GSDME: variants seen among roughly 807,000 people sequenced by gnomAD.
The protein encoded by GSDME is gasdermin-E.
In GSDME, 44 loss-of-function variants were observed where a neutral mutation model predicts 47.5. The ratio of observed to expected loss-of-function variants is 0.93; its 90% CI spans 0.73 to 1.19. GSDME has a LOEUF of 1.19. Among genes scored for constraint, GSDME ranks in the 50% most tolerant of loss-of-function variants. The pLI, the probability that GSDME is intolerant of heterozygous loss-of-function variation, is 0.00. For missense variants in GSDME, 663 were observed against 604.2 expected, an observed-to-expected ratio of 1.10 and a Z score of -1.02; for synonymous variants, 258 against 252.8, an observed-to-expected ratio of 1.02 and a Z score of -0.20.
chr7:24,730,366 A>G (rs1486853626), intron 3 of GSDME, among the ~76,000 whole-genome samples: 2 of 152,214 alleles, frequency 1.3e-5, no homozygotes, highest in Non-Finnish European at 2.9e-5. Context: ...TTCTTTCTCA[A>G]TGGTACATAG....
At chr7:24,704,619 C>T (rs1789017157) in intron 8 of GSDME, 1 of 152,112 alleles carries the variant, frequency 6.6e-6, no homozygotes, top group Non-Finnish European at 1.5e-5. Flanking sequence ...GCCAGCTGCA[C>T]CTAAAGATTT....
intron 1 of GSDME, among the ~76,000 whole-genome samples, chr7:24,751,314 A>T (rs1264995313): frequency 1.3e-5 from 2 of 152,238 alleles, no homozygotes; most frequent in Non-Finnish European, 2.9e-5. Flanking sequence ...TTTACAAACT[A>T]TCCATGGTCA....
At chr7:24,727,239 G>A (rs1789998676) in intron 3 of GSDME, among the ~76,000 whole-genome samples, 1 of 152,224 alleles carries the variant, frequency 6.6e-6, no homozygotes, top group African/African-American at 2.4e-5. Context: ...CACATGGCCT[G>A]TTAGTGGCAG....
At chr7:24,702,522 A>C in intron 9 of GSDME, 2 of 446,860 alleles carry the variant, frequency 4.5e-6, no homozygotes, top group South Asian at 3.9e-5. Context: ...TCGAAAGACA[A>C]GGATGAAGTC....
At chr7:24,785,271 A>G in the GSDME span, among the ~76,000 whole-genome samples, 1 of 152,198 alleles carries the variant, frequency 6.6e-6, no homozygotes, top group African/African-American at 2.4e-5. Context: ...CTTAAAAAAA[A>G]TTGCAGATCC....
upstream of GSDME, among the ~76,000 whole-genome samples, chr7:24,761,812 T>TA (rs1334219988): frequency 6.6e-6 from 1 of 152,314 alleles, no homozygotes; most frequent in Non-Finnish European, 1.5e-5. This position sits in a 1 kb window ranked among gnomAD's most constrained non-coding sequence, Gnocchi z 4.4. Context: ...CTAGAAGTCT[T>TA]ATGACATAAT....
At chr7:24,722,525 G>C (rs1462089231) in intron 3 of GSDME, among the ~76,000 whole-genome samples, 1 of 152,136 alleles carries the variant, frequency 6.6e-6, no homozygotes, top group Non-Finnish European at 1.5e-5. Flanking sequence ...CACAACTAAG[G>C]CATGGGCTCC....
At position 24,744,348 on chromosome 7, in the gene GSDME, G is replaced by C; in HGVS notation, c.404+214C>G. ...TTGCCTGAAGTAACATCCTTTGAAA[G>C]TGCTTCCCAAGTCTCCCCCCACTCA... On this transcript the variant is annotated intron_variant, in intron 3 of 9. Transcript: ENST00000645220. This position sits in a 1 kb window ranked among gnomAD's most constrained non-coding sequence, Gnocchi z 4.5. The C allele has an allele frequency of 1.7e-6, 1 of 601,130 alleles. No individual in the cohort carries two copies. The highest frequency in any genetic ancestry group is 3.0e-6 in the Non-Finnish European group (1 of 338,154). 37.2% of individuals were successfully genotyped at this position (601,130 alleles called of 1,614,324 possible). A position where few individuals can be genotyped will look rare whatever the true frequency, so the allele number is the denominator to read the frequency against.
intron 3 of GSDME, 135 bp from the exon 4 acceptor site, chr7:24,719,353 A>G: frequency 1.0e-6 from 1 of 954,138 alleles, no homozygotes; most frequent in Non-Finnish European, 1.6e-6. Flanking sequence ...TCATGATGAA[A>G]GGGGTGGCAG....
At chr7:24,746,263 C>G (rs12154597) in intron 2 of GSDME, among the ~76,000 whole-genome samples, 13,375 of 152,068 alleles carry the variant, frequency 0.088, 753 homozygotes, top group Non-Finnish European at 0.12. Context: ...TCATGGAAAA[C>G]AAACATTTTG....
At chr7:24,710,105 T>C (rs1789285738) in intron 6 of GSDME, 119 bp downstream of exon 6, 3 of 1,156,980 alleles carry the variant, frequency 2.6e-6, no homozygotes, top group South Asian at 1.2e-5. Flanking sequence ...TCACCTCTCT[T>C]CTCATATGTT....
chr7:24,761,074 C>G (rs933031511), upstream of GSDME, among the ~76,000 whole-genome samples: 4 of 152,228 alleles, frequency 2.6e-5, no homozygotes, highest in African/African-American at 7.2e-5. The surrounding 1 kb of genome is among the most constrained non-coding windows in gnomAD (Gnocchi z 4.4). Context: ...TACCCCAAAA[C>G]TTAGTGGCTT....
At chr7:24,766,381 G>A in the GSDME span, among the ~76,000 whole-genome samples, 1 of 151,964 alleles carries the variant, frequency 6.6e-6, no homozygotes, top group Non-Finnish European at 1.5e-5. The surrounding 1 kb of genome is among the most constrained non-coding windows in gnomAD (Gnocchi z 4.2). Flanking sequence ...GTATACATGT[G>A]TCATGGTGGT....
chr7:24,707,996 A>G, intron 7 of GSDME, 131 bp downstream of exon 7: 1 of 1,182,860 alleles, frequency 8.5e-7, no homozygotes. Context: ...CGCAGGACCC[A>G]AGAGTCAGAA....
chr7:24,731,598 G>A (rs1478489998), intron 3 of GSDME, among the ~76,000 whole-genome samples: 2 of 152,244 alleles, frequency 1.3e-5, no homozygotes, highest in African/African-American at 2.4e-5. Flanking sequence ...GAGCTCTGGC[G>A]CTTGCCAGAT....
chr7:24,699,649 G>A (rs779472807), intron 9 of GSDME, among the ~76,000 whole-genome samples: 48 of 152,134 alleles, frequency 3.2e-4, no homozygotes, highest in Non-Finnish European at 5.6e-4. Context: ...CAACTATGTC[G>A]TTTTTTAAAT....
chr7:24,734,522 G>T (rs948796503), intron 3 of GSDME, among the ~76,000 whole-genome samples: 1 of 152,210 alleles, frequency 6.6e-6, no homozygotes, highest in Non-Finnish European at 1.5e-5. Context: ...TAGCTGTTTT[G>T]AGGAAACTCA....
intron 1 of GSDME, among the ~76,000 whole-genome samples, chr7:24,753,395 G>A (rs892043669): frequency 2.0e-5 from 3 of 152,226 alleles, no homozygotes; most frequent in Middle Eastern, 3.4e-3. Flanking sequence ...GTATCATTGC[G>A]CATTTTACTT....
the GSDME span, among the ~76,000 whole-genome samples, chr7:24,784,723 C>T: frequency 6.7e-6 from 1 of 149,198 alleles, no homozygotes; most frequent in East Asian, 2.0e-4. Flanking sequence ...CCACTGCTGG[C>T]TAATTTTTGT....
Sources: gnomAD v4.1 joint callset for allele counts (sites outside exome capture counted in the v4.1 genomes callset) on GRCh38, gnomAD v4.1.1 for gene constraint, Gnocchi (gnomAD v3.1) non-coding constraint, MANE v1.5 for transcripts, NCBI Gene and HGNC (gene_info 2026-07-23, HGNC 2026-07-21) for gene names.